SPEF2: variants seen among roughly 807,000 people sequenced by gnomAD.
SPEF2 encodes sperm flagellar and cilia associated 2, also known as sperm flagella and cilia-associated protein 2.
SPEF2 carries 187 observed loss-of-function variants against 224.6 expected under a neutral mutation model. The observed-to-expected ratio is 0.83, with a 90% CI of 0.74 to 0.94. SPEF2 has a LOEUF of 0.94. Ranked by LOEUF, SPEF2 falls within the 40% of genes least tolerant of loss-of-function variation. The pLI is 0.00. For synonymous variants in SPEF2, 715 were observed against 707.3 expected, an observed-to-expected ratio of 1.01 and a Z score of -0.17; for missense variants, 2,170 against 2,135.6, an observed-to-expected ratio of 1.02 and a Z score of -0.32.
chr5:35,760,769 G>A (rs745468614), intron 25 of SPEF2, among the ~76,000 whole-genome samples: 1 of 152,078 alleles, frequency 6.6e-6, no homozygotes, highest in Non-Finnish European at 1.5e-5. Flanking sequence ...TCTAGAAATG[G>A]GAGTTAGGAG....
chr5:35,713,565 C>T (rs1004355521), intron 20 of SPEF2, among the ~76,000 whole-genome samples: 1 of 151,032 alleles, frequency 6.6e-6, no homozygotes, highest in Non-Finnish European at 1.5e-5. Flanking sequence ...GAAACCCCAT[C>T]TCTACTAAAA....
chr5:35,621,851 T>C (rs1379777281), intron 1 of SPEF2, among the ~76,000 whole-genome samples: 1 of 152,170 alleles, frequency 6.6e-6, no homozygotes, highest in African/African-American at 2.4e-5. Context: ...GTGTTTCATC[T>C]AGATAGCAGT....
chr5:35,686,985 TTATAGAG>T, intron 10 of SPEF2, among the ~76,000 whole-genome samples: 1 of 152,102 alleles, frequency 6.6e-6, no homozygotes, highest in East Asian at 1.9e-4. Context: ...GATTTTATTT[TTATAGAG>T]TATAATCAAA....
chr5:35,788,177 C>T (rs1320710925), intron 30 of SPEF2: 1 of 702,910 alleles, frequency 1.4e-6, no homozygotes, highest in East Asian at 2.7e-5. Flanking sequence ...AAGTAGCTCT[C>T]CAGTGAACAG....
At chr5:35,752,708 C>G (rs1034342979) in intron 23 of SPEF2, among the ~76,000 whole-genome samples, 1 of 138 alleles carries the variant, frequency 7.2e-3, no homozygotes, top group Non-Finnish European at 0.026. Flanking sequence ...ACCACCAGTT[C>G]GTATTCTGGC....
chr5:35,694,185 A>T, intron 12 of SPEF2, 103 bp from the exon 13 acceptor site: 1 of 820,168 alleles, frequency 1.2e-6, no homozygotes, highest in Non-Finnish European at 1.9e-6. Context: ...GACAAAAAGT[A>T]TTGTATTTGT....
intron 16 of SPEF2, among the ~76,000 whole-genome samples, chr5:35,703,118 T>C (rs1739010730): frequency 7.1e-6 from 1 of 140,178 alleles, no homozygotes; most frequent in South Asian, 2.3e-4. Context: ...TTTTTTATTC[T>C]CTCTTTATTT....
chr5:35,706,394 ATT>A (rs1739780285), intron 18 of SPEF2, among the ~76,000 whole-genome samples: 1 of 151,902 alleles, frequency 6.6e-6, no homozygotes, highest in African/African-American at 2.4e-5. Flanking sequence ...TCGCCTTCCT[ATT>A]TCATTCAACC....
At chr5:35,673,379 C>T (rs1267376322) in intron 10 of SPEF2, among the ~76,000 whole-genome samples, 1 of 152,134 alleles carries the variant, frequency 6.6e-6, no homozygotes, top group Non-Finnish European at 1.5e-5. Context: ...CAATTCATAG[C>T]GTTTCACTTT....
At chr5:35,624,032 G>T (rs1743870756) in intron 1 of SPEF2, among the ~76,000 whole-genome samples, 1 of 152,200 alleles carries the variant, frequency 6.6e-6, no homozygotes, top group African/African-American at 2.4e-5. Context: ...GTCTAACAGA[G>T]AATCTTTCTC....
At chr5:35,737,397 T>A (rs1746806654) in intron 21 of SPEF2, among the ~76,000 whole-genome samples, 1 of 119,862 alleles carries the variant, frequency 8.3e-6, no homozygotes, top group African/African-American at 3.2e-5. Flanking sequence ...CGGGATGTAA[T>A]GTTCCCCTTC....
intron 20 of SPEF2, among the ~76,000 whole-genome samples, chr5:35,724,464 A>T (rs1744294035): frequency 6.6e-6 from 1 of 152,214 alleles, no homozygotes; most frequent in South Asian, 2.1e-4. Flanking sequence ...AGCCAAGTAA[A>T]TAGTAGTATA....
chr5:35,771,435 C>T (rs1752841110), intron 26 of SPEF2, among the ~76,000 whole-genome samples, 174 bp from the exon 27 acceptor site: 1 of 152,090 alleles, frequency 6.6e-6, no homozygotes, highest in African/African-American at 2.4e-5. Flanking sequence ...GGGACAGGGC[C>T]AGGTTTCCAC....
intron 21 of SPEF2, among the ~76,000 whole-genome samples, chr5:35,730,744 T>C (rs1324799040): frequency 1.3e-5 from 2 of 152,218 alleles, no homozygotes; most frequent in Non-Finnish European, 1.5e-5. Flanking sequence ...AGGAAGGATC[T>C]GGCAGAACAT....
chr5:35,665,542 G>A (rs1451374338), intron 8 of SPEF2, among the ~76,000 whole-genome samples: 1 of 152,052 alleles, frequency 6.6e-6, no homozygotes, highest in Non-Finnish European at 1.5e-5. Context: ...TTACTGGTAG[G>A]ACCATTCTAC....
At chr5:35,807,547 G>A in intron 36 of SPEF2, 1 of 1,210,940 alleles carries the variant, frequency 8.3e-7, no homozygotes, top group African/African-American at 1.5e-5. Context: ...TGAAGGGTTT[G>A]GAGAATAAGA....
chr5:35,708,494 C>A lies in SPEF2; in HGVS notation c.2666-454C>A, dbSNP rs141181559. 6.4e-5 allele frequency among the ~76,000 whole-genome samples: 9 copies of A among 141,052 alleles called. No homozygotes were observed. The East Asian group carries it at 1.7e-3, about 27-fold the overall frequency. The allele number at this position is 141,052 out of a possible 152,430, so 92.5% of individuals were successfully genotyped here. A position where few individuals can be genotyped will look rare whatever the true frequency, so the allele number is the denominator to read the frequency against. On this transcript the variant is annotated intron_variant, in intron 18 of 36. Transcript: ENST00000356031. ...GCTAACCCCTTATACCTGCTCCGTA[C>A]ACACAAATACACATATATTCCTCAT...
At chr5:35,707,558 CA>C (rs2149584621) in intron 18 of SPEF2, among the ~76,000 whole-genome samples, 1 of 152,286 alleles carries the variant, frequency 6.6e-6, no homozygotes, top group South Asian at 2.1e-4. Context: ...CATGCAAGAA[CA>C]TAGGCAATCG....
chr5:35,721,506 T>A (rs1364585666), intron 20 of SPEF2, among the ~76,000 whole-genome samples: 1 of 152,180 alleles, frequency 6.6e-6, no homozygotes, highest in Non-Finnish European at 1.5e-5. Context: ...CAAATAGTTC[T>A]CAAAACCCAA....
Sources: allele counts gnomAD v4.1 joint callset (sites outside exome capture counted in the v4.1 genomes callset), GRCh38; gene constraint gnomAD v4.1.1; transcripts MANE v1.5; gene names NCBI Gene and HGNC (gene_info 2026-07-23, HGNC 2026-07-21).